Variants in CARS2 observed in about 807,000 individuals in gnomAD.
CARS2 encodes the protein cysteinyl-tRNA synthetase 2, mitochondrial, also known as probable cysteine--tRNA ligase, mitochondrial.
CARS2 carries 52 observed loss-of-function variants against 68.8 expected under a neutral mutation model. The ratio of observed to expected loss-of-function variants is 0.76; its 90% CI spans 0.61 to 0.95. CARS2 has a LOEUF of 0.95. Ranked by LOEUF, CARS2 falls within the 40% of genes least tolerant of loss-of-function variation. The pLI is 0.00. For missense variants in CARS2, 780 were observed against 754.2 expected, an observed-to-expected ratio of 1.03 and a Z score of -0.40; for synonymous variants, 314 against 303.6, an observed-to-expected ratio of 1.03 and a Z score of -0.36.
Position 110,665,809 on chromosome 13 carries a change from G to C in CARS2, c.919+1531C>G. On this transcript the variant is annotated intron_variant, in intron 8 of 14. Transcript: ENST00000257347. This position sits in a 1 kb window ranked among gnomAD's most constrained non-coding sequence, Gnocchi z 4.3. The stretch of plus-strand genomic sequence containing the variant: ...TCATGAAGAAACCCAAGTGAACCCT[G>C]CTGCGGACCAGAAAACCGGAGCACT... The C allele has an allele frequency of 1.0e-6, 1 of 985,392 alleles. No homozygotes were observed. Among genetic ancestry groups the C allele is most frequent in the Non-Finnish European group, 1.2e-6 (1 of 829,922 alleles). The allele number at this position is 985,392 out of a possible 1,614,324, so 61.0% of individuals were successfully genotyped here. A position where few individuals can be genotyped will look rare whatever the true frequency, so the allele number is the denominator to read the frequency against.
chr13:110,666,901 T>C (rs941860010), intron 8 of CARS2: 2 of 985,316 alleles, frequency 2.0e-6, no homozygotes, highest in African/African-American at 3.5e-5. Flanking sequence ...TAACTCATGG[T>C]GTTGCATCCA....
chr13:110,676,013 G>C lies in CARS2; in HGVS notation c.785+961C>G, dbSNP rs1196634617. Among the ~76,000 whole-genome samples, 1 of 152,236 alleles carries C rather than the reference G, an allele frequency of 6.6e-6. No homozygotes were observed. Among genetic ancestry groups the C allele is most frequent in the Admixed American group, 6.5e-5 (1 of 15,290 alleles). On this transcript the variant is annotated intron_variant, in intron 7 of 14. Coordinates refer to ENST00000257347, the MANE Select transcript of CARS2 (RefSeq NM_024537.4). The surrounding 1 kb of genome is among the most constrained non-coding windows in gnomAD (Gnocchi z 4.0). ...TCTACTAAAAATACAAAATTAGCCG[G>C]GGTGGTGGCGCATGCCAGTAATCCC...
chr13:110,707,193 C>T (rs1300793974), upstream of CARS2: 1 of 143,896 alleles, frequency 6.9e-6, no homozygotes, highest in African/African-American at 2.6e-5. Context: ...GTGTGCGCCC[C>T]CACACATCTA....
intron 9 of CARS2, among the ~76,000 whole-genome samples, chr13:110,652,518 A>AG (rs1180399421): frequency 6.6e-6 from 1 of 152,152 alleles, no homozygotes; most frequent in African/African-American, 2.4e-5. Context: ...AGTAGAAAGG[A>AG]GGGGGCTCCC....
Position 110,641,481 on chromosome 13 carries a change from C to A in CARS2, c.*56G>T. On this transcript the variant is annotated 3_prime_UTR_variant, in exon 15 of 15. Transcript: ENST00000257347. ...AGGAAGCTTTAACATAAAGCCTTGA[C>A]CCTGAGAAGCATGGGTGCGTCTTGT... The A allele has an allele frequency of 7.2e-7, 1 of 1,392,938 alleles. No individual in the cohort carries two copies. The highest frequency in any genetic ancestry group is 1.2e-5 in the South Asian group (1 of 86,874). 86.3% of individuals were successfully genotyped at this position (1,392,938 alleles called of 1,614,324 possible).
At chr13:110,646,314 T>G (rs1174835640) in intron 11 of CARS2, 4 of 480,034 alleles carry the variant, frequency 8.3e-6, no homozygotes, top group Non-Finnish European at 1.5e-5. Flanking sequence ...AGAGGTCACC[T>G]GTGACACTTA....
In CARS2 at chr13:110,663,365, C is replaced by T. The variant is rs1023130237; in HGVS notation, c.987+86G>A. 6.7e-6 allele frequency: 9 copies of T among 1,343,840 alleles called. No individual in the cohort carries two copies. In the East Asian group the frequency reaches 9.7e-5, roughly 14 times the overall value. The allele number at this position is 1,343,840 out of a possible 1,614,324, so 83.2% of individuals were successfully genotyped here. ...CCAGAGGGCACTGGGAATGGGATTC[C>T]GTGGTTCTCAAATGACACAGAAGCC... is the stretch of plus-strand genomic sequence containing the variant. On this transcript the variant is annotated intron_variant, in intron 9 of 14. Coordinates refer to ENST00000257347, the MANE Select transcript of CARS2 (RefSeq NM_024537.4).
In CARS2 at chr13:110,664,684, T is replaced by C. The variant is rs1478205474; in HGVS notation, c.920-1166A>G. 6.2e-6 allele frequency: 6 copies of C among 965,172 alleles called. No homozygotes were observed. The African/African-American group carries it at 1.1e-4, about 17-fold the overall frequency. The allele number at this position is 965,172 out of a possible 1,614,324, so 59.8% of individuals were successfully genotyped here. On this transcript the variant is annotated intron_variant, in intron 8 of 14. Coordinates refer to ENST00000257347, the MANE Select transcript of CARS2 (RefSeq NM_024537.4). ...AAAATAAAACACATTTGCTAAGGCC[T>C]GAATGTTTATGTCCTCCCAAATTCC...
At chr13:110,673,865 G>A (rs1443133713) in intron 7 of CARS2, among the ~76,000 whole-genome samples, 4 of 152,166 alleles carry the variant, frequency 2.6e-5, no homozygotes, top group Admixed American at 6.5e-5. Flanking sequence ...CTTCAGCAAA[G>A]TCTCAGGATA....
chr13:110,655,462 C>T (rs1206077630), intron 9 of CARS2, among the ~76,000 whole-genome samples: 2 of 152,166 alleles, frequency 1.3e-5, no homozygotes, highest in South Asian at 2.1e-4. Context: ...GAACCAACTC[C>T]ATATGGTAGA....
At chr13:110,646,975 C>T in intron 11 of CARS2, 126 bp downstream of exon 11, 2 of 1,222,640 alleles carry the variant, frequency 1.6e-6, no homozygotes, top group East Asian at 5.2e-5. Flanking sequence ...TGGGCAGTCC[C>T]TGACCCCAAA....
intron 7 of CARS2, among the ~76,000 whole-genome samples, chr13:110,672,091 C>T (rs1324109819): frequency 1.1e-4 from 17 of 152,280 alleles, no homozygotes; most frequent in African/African-American, 3.6e-4. Flanking sequence ...TACAAAGAGA[C>T]TTAGACTCCC....
In CARS2 at chr13:110,676,334, G is replaced by C. The variant is rs144293994; in HGVS notation, c.785+640C>G. Reference sequence around the variant, plus strand: ...CCAAGGGGACCAGGGAGAAGGCGGAGAAAGCTCTACTGAGAGGCAGAAACC... The same window carrying C: ...CCAAGGGGACCAGGGAGAAGGCGGACAAAGCTCTACTGAGAGGCAGAAACC... On this transcript the variant is annotated intron_variant, in intron 7 of 14. Coordinates refer to ENST00000257347, the MANE Select transcript of CARS2 (RefSeq NM_024537.4). The surrounding 1 kb of genome is among the most constrained non-coding windows in gnomAD (Gnocchi z 4.0). Among the ~76,000 whole-genome samples the C allele has an allele frequency of 1.3e-5, 2 of 152,328 alleles. No homozygotes were observed. Among genetic ancestry groups the C allele is most frequent in the Non-Finnish European group, 2.9e-5 (2 of 68,026 alleles).
chr13:110,709,944 A>C (rs573725554), upstream of CARS2, among the ~76,000 whole-genome samples: 1 of 152,174 alleles, frequency 6.6e-6, no homozygotes, highest in African/African-American at 2.4e-5. Flanking sequence ...TAACAAAATC[A>C]AGTTCTCAGT....
At chr13:110,693,403 A>G (rs890839962) in intron 3 of CARS2, among the ~76,000 whole-genome samples, 4 of 151,964 alleles carry the variant, frequency 2.6e-5, no homozygotes, top group Non-Finnish European at 4.4e-5. Context: ...TCTGTCGCCC[A>G]GGCTGGAGTG....
intron 5 of CARS2, among the ~76,000 whole-genome samples, chr13:110,685,821 A>G (rs2139849644): frequency 6.6e-6 from 1 of 152,276 alleles, no homozygotes; most frequent in African/African-American, 2.4e-5. Context: ...TCACCAAAGC[A>G]GCAAAACAGC....
At chr13:110,687,388 G>A (rs2063329282) in intron 5 of CARS2, among the ~76,000 whole-genome samples, 1 of 152,064 alleles carries the variant, frequency 6.6e-6, no homozygotes, top group Admixed American at 6.6e-5. Context: ...AACATAAACC[G>A]GCTGGGCACA....
intron 9 of CARS2, 51 bp from the exon 10 acceptor site, chr13:110,651,151 A>G (rs376541901): frequency 7.1e-6 from 9 of 1,267,652 alleles, no homozygotes; most frequent in Admixed American, 6.9e-5. Flanking sequence ...TACGCTTCGC[A>G]CTGTTCAGAG....
intron 3 of CARS2, among the ~76,000 whole-genome samples, chr13:110,692,271 A>G (rs34031431): frequency 6.6e-6 from 1 of 151,578 alleles, no homozygotes; most frequent in South Asian, 2.1e-4. Flanking sequence ...GGAGTTCAAG[A>G]CCAGCCTGGC....
Sources: allele counts gnomAD v4.1 joint callset (sites outside exome capture counted in the v4.1 genomes callset), GRCh38; gene constraint gnomAD v4.1.1; non-coding constraint Gnocchi (gnomAD v3.1); transcripts MANE v1.5; gene names NCBI Gene and HGNC (gene_info 2026-07-23, HGNC 2026-07-21).